The following FBN1 variants were observed in gnomAD, a reference collection of about 807,000 sequenced individuals.
FBN1 encodes fibrillin 1.
FBN1 carries 29 observed loss-of-function variants against 365.1 expected under a neutral mutation model. The ratio of observed to expected loss-of-function variants is 0.08; its 90% confidence interval spans 0.06 to 0.11. The LOEUF (loss-of-function observed/expected upper bound fraction) is 0.11, where lower values mean the gene tolerates loss of function less well. Ranked by LOEUF, FBN1 falls within the 10% of genes least tolerant of loss-of-function variation. The pLI is 1.00. For synonymous variants in FBN1, 1,210 were observed against 1,270.5 expected (o/e 0.95, Z 1.01); for missense variants, 2,476 against 3,703.2 (o/e 0.67, Z 8.60).
At chr15:48,612,945 G>T (rs746265208) in intron 3 of FBN1, 65 bp downstream of exon 3, 4 of 1,176,118 alleles carry the variant, frequency 3.4e-6, no homozygotes, top group Non-Finnish European at 5.1e-6. Flanking sequence ...ACATTCTAAG[G>T]CTCCCCATGC....
rs748739868 is a variant in FBN1 at position 48,437,969 on chromosome 15, T to C, written c.6164-52A>G. The C allele has an allele frequency of 7.5e-6, 12 of 1,590,338 alleles. No homozygotes were observed. The South Asian group carries it at 9.9e-5, about 13-fold the overall frequency. ...CAGTTGCTTTCCTACTGAGTCCGTA[T>C]TGCACCATAGCAAATAAAGAACAAC... is the stretch of plus-strand genomic sequence containing the variant. On this transcript the variant is annotated intron_variant, in intron 50 of 65. Transcript: ENST00000316623.
At chr15:48,567,742 C>T (rs1456132146) in intron 6 of FBN1, among the ~76,000 whole-genome samples, 1 of 152,034 alleles carries the variant, frequency 6.6e-6, no homozygotes, top group African/African-American at 2.4e-5. Flanking sequence ...ATAGACCAAG[C>T]ATTTGACGAA....
chr15:48,520,525 T>C, intron 10 of FBN1, 134 bp downstream of exon 10: 3 of 1,036,232 alleles, frequency 2.9e-6, no homozygotes, highest in Non-Finnish European at 2.8e-6. Context: ...GAAATTTCCC[T>C]GGACGTCATC....
intron 45 of FBN1, among the ~76,000 whole-genome samples, chr15:48,450,795 T>A (rs527760274): frequency 4.6e-4 from 70 of 152,242 alleles, no homozygotes; most frequent in African/African-American, 1.7e-3. Flanking sequence ...AAGGATCTCA[T>A]GATGGAGAGA....
At chr15:48,435,512 A>C (rs2043058543) in intron 53 of FBN1, among the ~76,000 whole-genome samples, 1 of 152,164 alleles carries the variant, frequency 6.6e-6, no homozygotes, top group South Asian at 2.1e-4. Context: ...AAATTAATAC[A>C]TCAAATAAAA....
intron 53 of FBN1, 107 bp from the exon 54 acceptor site, chr15:48,434,820 C>CAT: frequency 7.2e-7 from 1 of 1,380,212 alleles, no homozygotes; most frequent in Non-Finnish European, 1.0e-6. Context: ...TGTTTTGAGA[C>CAT]AGAGTCTCAC....
At chr15:48,547,689 G>T (rs1265710687) in intron 6 of FBN1, among the ~76,000 whole-genome samples, 1 of 149,722 alleles carries the variant, frequency 6.7e-6, no homozygotes, top group Admixed American at 6.7e-5. Context: ...ATAGATATGT[G>T]GTATATAGGT....
intron 2 of FBN1, among the ~76,000 whole-genome samples, chr15:48,631,414 A>T (rs1053944687): frequency 6.6e-6 from 1 of 152,228 alleles, no homozygotes; most frequent in Non-Finnish European, 1.5e-5. Context: ...CAGTGATAAC[A>T]GAGTGGGTGG....
chr15:48,533,324 A>G (rs1439046432), intron 8 of FBN1, among the ~76,000 whole-genome samples: 1 of 152,202 alleles, frequency 6.6e-6, no homozygotes, highest in Non-Finnish European at 1.5e-5. Context: ...ATTACTATAT[A>G]TAAGTTACAT....
At chr15:48,619,726 GT>G (rs200920929) in intron 2 of FBN1, among the ~76,000 whole-genome samples, 2,205 of 151,366 alleles carry the variant, frequency 0.015, 50 homozygotes, top group African/African-American at 0.051. Context: ...CAACCCAAAG[GT>G]TTTTTTTAAG....
rs548752674 is a variant in FBN1 at position 48,531,057 on chromosome 15, G to A, written c.862+3023C>T. 9.2e-5 allele frequency among the ~76,000 whole-genome samples: 14 copies of A among 152,122 alleles called. No individual in the cohort carries two copies. In the South Asian group the frequency reaches 2.5e-3, roughly 27 times the overall value. Reference sequence around the variant, plus strand: ...ATGTTCATGTGTTCTTTCAGCATGCGTACTCTACAGTCATTGGAAAGATCA... The same window carrying A: ...ATGTTCATGTGTTCTTTCAGCATGCATACTCTACAGTCATTGGAAAGATCA... On this transcript the variant is annotated intron_variant, in intron 8 of 65. Transcript: ENST00000316623.
chr15:48,430,634 G>A lies in FBN1; in HGVS notation c.6871+37C>T, dbSNP rs373732100. 82 of 1,612,368 alleles carry A rather than the reference G, an allele frequency of 5.1e-5. 1 individual carries two copies. The highest frequency in any genetic ancestry group is 4.4e-4 in the South Asian group (40 of 91,064). On this transcript the variant is annotated intron_variant, in intron 56 of 65. Coordinates refer to ENST00000316623, the MANE Select transcript of FBN1 (RefSeq NM_000138.5). The stretch of plus-strand genomic sequence containing the variant: ...GTTCCTTCTGTCCACTGTCACTTCT[G>A]ATGCACTCAAAGCTCCTTCCACAGG...
chr15:48,509,906 T>C (rs2043744414), intron 14 of FBN1, 138 bp downstream of exon 14: 1 of 900,210 alleles, frequency 1.1e-6, no homozygotes, highest in African/African-American at 1.7e-5. Context: ...TCATGGAAAA[T>C]TAGGCTTCCT....
At chr15:48,644,544 C>T (rs1890255474) in intron 2 of FBN1, 62 bp downstream of exon 2, 2 of 1,608,686 alleles carry the variant, frequency 1.2e-6, no homozygotes, top group East Asian at 2.2e-5. Context: ...GTCATCCTGC[C>T]CGTTGTTCTG....
chr15:48,435,736 A>C (rs2043063279), intron 53 of FBN1, among the ~76,000 whole-genome samples: 1 of 129,666 alleles, frequency 7.7e-6, no homozygotes, highest in Non-Finnish European at 1.6e-5. Context: ...GTGTATATAT[A>C]TGTGTGTATA....
At chr15:48,578,095 A>G (rs2044363485) in intron 6 of FBN1, among the ~76,000 whole-genome samples, 4 of 152,226 alleles carry the variant, frequency 2.6e-5, no homozygotes, top group Admixed American at 6.5e-5. Context: ...GAATGGGAGT[A>G]GGGAATTGAA....
chr15:48,635,861 C>T (rs1222379287), intron 2 of FBN1, among the ~76,000 whole-genome samples: 1 of 152,224 alleles, frequency 6.6e-6, no homozygotes, highest in Non-Finnish European at 1.5e-5. Flanking sequence ...ATGAATCTAA[C>T]AGAACATGCA....
At chr15:48,576,881 A>G (rs574061947) in intron 6 of FBN1, among the ~76,000 whole-genome samples, 3 of 152,280 alleles carry the variant, frequency 2.0e-5, no homozygotes, top group Admixed American at 6.5e-5. Context: ...GAGAAGGTAG[A>G]TAAGGGATCT....
chr15:48,434,514 T>A, intron 54 of FBN1, 80 bp downstream of exon 54: 1 of 1,549,376 alleles, frequency 6.5e-7, no homozygotes, highest in Non-Finnish European at 8.9e-7. Context: ...TGAGTTGTAT[T>A]TAATATTAAG....
Sources: allele counts gnomAD v4.1 joint callset (sites outside exome capture counted in the v4.1 genomes callset), GRCh38; gene constraint gnomAD v4.1.1; transcripts MANE v1.5; gene names NCBI Gene and HGNC (gene_info 2026-07-23, HGNC 2026-07-21).